SDC4: variants seen among roughly 807,000 people sequenced by gnomAD.
SDC4 encodes syndecan 4, also known as syndecan-4.
SDC4 carries 17 observed loss-of-function variants against 20.5 expected under a neutral mutation model. The observed-to-expected ratio is 0.83, with a 90% confidence interval of 0.57 to 1.25. The LOEUF (loss-of-function observed/expected upper bound fraction) is 1.25, where lower values mean the gene tolerates loss of function less well. Ranked by LOEUF, SDC4 falls within the 50% of genes most tolerant of loss-of-function variation. SDC4 has a pLI of 0.00. For missense variants in SDC4, 241 were observed against 252.3 expected (o/e 0.96, Z 0.30); for synonymous variants, 107 against 105.3 (o/e 1.02, Z -0.10).
intron 1 of SDC4, among the ~76,000 whole-genome samples, chr20:45,340,781 G>C (rs1176144374): frequency 6.6e-6 from 1 of 152,202 alleles, no homozygotes; most frequent in Non-Finnish European, 1.5e-5. Context: ...GGGGAGAGGG[G>C]ATGGTGAGTA....
At chr20:45,330,235 G>A (rs574850638) in intron 4 of SDC4, 131 bp downstream of exon 4, 4 of 795,880 alleles carry the variant, frequency 5.0e-6, no homozygotes, top group Admixed American at 4.0e-5. Flanking sequence ...ATGTTCTAGG[G>A]CAACCTGAAT....
In SDC4 at chr20:45,327,210, A is replaced by G. The variant is rs1987704481; in HGVS notation, c.*54T>C. 2.5e-6 allele frequency: 4 copies of G among 1,606,806 alleles called. No homozygotes were observed. The highest frequency in any genetic ancestry group is 3.4e-6 in the Non-Finnish European group (4 of 1,174,824). On this transcript the variant is annotated 3_prime_UTR_variant, in exon 5 of 5. Coordinates refer to ENST00000372733, the MANE Select transcript of SDC4 (RefSeq NM_002999.4). ...CCCTACCCTAATGTCCACCCTTCAA[A>G]ATCCCCTGGCTTCCCTCCCCGCTAA...
In SDC4 at chr20:45,347,695, C is replaced by T. The variant is rs1988053085; in HGVS notation, c.60+630G>A. ...CGAAAAGAGCAGAGTCCCCAACTTT[C>T]TAGAAACCCTAACGCAGTGTCCCCT... On this transcript the variant is annotated intron_variant, in intron 1 of 4. Transcript: ENST00000372733. Among the ~76,000 whole-genome samples the T allele has an allele frequency of 3.9e-5, 6 of 152,186 alleles. No individual in the cohort carries two copies. The South Asian group carries it at 1.2e-3, about 31-fold the overall frequency.
At chr20:45,336,423 A>G (rs991384059) in intron 1 of SDC4, among the ~76,000 whole-genome samples, 6 of 152,258 alleles carry the variant, frequency 3.9e-5, no homozygotes, top group Admixed American at 6.5e-5. Context: ...CAAAAAAAAT[A>G]AAAACAGTAA....
At chr20:45,330,289 T>C in intron 4 of SDC4, 77 bp downstream of exon 4, 1 of 1,347,728 alleles carries the variant, frequency 7.4e-7, no homozygotes, top group East Asian at 2.3e-5. Context: ...GCTGGAGGCA[T>C]CCCTGCCTGC....
intron 1 of SDC4, among the ~76,000 whole-genome samples, chr20:45,336,181 G>A (rs1436393722): frequency 1.3e-5 from 2 of 152,206 alleles, no homozygotes; most frequent in Admixed American, 1.3e-4. Flanking sequence ...GGGAGGCGGA[G>A]GCAGGCAGAT....
intron 2 of SDC4, 120 bp downstream of exon 2, chr20:45,335,662 G>A (rs1363754334): frequency 1.2e-5 from 12 of 1,012,118 alleles, no homozygotes; most frequent in Middle Eastern, 3.3e-4. Flanking sequence ...GAAGGAAGAA[G>A]GGCACTCTAG....
chr20:45,347,580 A>G (rs938252007), intron 1 of SDC4, among the ~76,000 whole-genome samples: 6 of 152,106 alleles, frequency 3.9e-5, no homozygotes, highest in Non-Finnish European at 7.4e-5. Context: ...CTTATCTGCA[A>G]TTGAGAAAAA....
rs1987756062 is a variant in SDC4, at chr20:45,330,300, A to T, written c.445+66T>A. On this transcript the variant is annotated intron_variant, in intron 4 of 4. Transcript: ENST00000372733. ...CATGGCTGGAGGCATCCCTGCCTGCAGGTGCTCTCCCCCGCTGAGCCCCAT... is the reference window on the plus strand; with the variant it reads ...CATGGCTGGAGGCATCCCTGCCTGCTGGTGCTCTCCCCCGCTGAGCCCCAT... The T allele has an allele frequency of 2.8e-6, 4 of 1,424,948 alleles. No individual in the cohort carries two copies. In the African/African-American group the frequency reaches 4.2e-5, roughly 15 times the overall value. The allele number at this position is 1,424,948 out of a possible 1,614,324, so 88.3% of individuals were successfully genotyped here.
chr20:45,326,412 T>TA lies in SDC4; in HGVS notation c.*851dup, dbSNP rs1434363647. The TA allele has an allele frequency of 1.7e-5, 2 of 118,916 alleles. No individual in the cohort carries two copies. The highest frequency in any genetic ancestry group is 3.6e-5 in the Non-Finnish European group (2 of 55,052). 7.4% of individuals were successfully genotyped at this position (118,916 alleles called of 1,614,324 possible). A position where few individuals can be genotyped will look rare whatever the true frequency, so the allele number is the denominator to read the frequency against. On this transcript the variant is annotated 3_prime_UTR_variant, in exon 5 of 5. Transcript: ENST00000372733. The stretch of plus-strand genomic sequence containing the variant: ...AAAAAAAAAAAAAAAAAAAAATTAA[T>TA]AAAAATCATCTCTCCGGCTCTTCTC...
At chr20:45,328,641 C>T (rs534636551) in intron 4 of SDC4, among the ~76,000 whole-genome samples, 1 of 152,264 alleles carries the variant, frequency 6.6e-6, no homozygotes, top group Non-Finnish European at 1.5e-5. Context: ...TTGCTAGGGG[C>T]AGGGATGCTT....
chr20:45,333,076 G>T lies in SDC4; in HGVS notation c.200-7C>A. Reference sequence around the variant, plus strand: ...ATGGAGTCTTCCAAGTCATCTGTAAGGTCAGAATAGCTGTGTGAGTGAGGT... The same window carrying T: ...ATGGAGTCTTCCAAGTCATCTGTAATGTCAGAATAGCTGTGTGAGTGAGGT... On this transcript the variant is annotated splice_polypyrimidine_tract_variant and splice_region_variant and intron_variant, in intron 2 of 4. Coordinates refer to ENST00000372733, the MANE Select transcript of SDC4 (RefSeq NM_002999.4). The T allele has an allele frequency of 1.9e-6, 3 of 1,614,090 alleles. No homozygotes were observed. Among genetic ancestry groups the T allele is most frequent in the Non-Finnish European group, 2.5e-6 (3 of 1,179,940 alleles).
intron 1 of SDC4, among the ~76,000 whole-genome samples, chr20:45,340,893 T>C: frequency 6.6e-6 from 1 of 152,184 alleles, no homozygotes; most frequent in East Asian, 1.9e-4. Flanking sequence ...ACCCACTTCT[T>C]AAGGGCCAGA....
In SDC4 at chr20:45,343,434, C is replaced by T. The variant is rs1987983723; in HGVS notation, c.60+4891G>A. Among the ~76,000 whole-genome samples, 3 of 152,164 alleles carry T rather than the reference C, an allele frequency of 2.0e-5. No homozygotes were observed. In the South Asian group the frequency reaches 6.2e-4, roughly 32 times the overall value. ...GGTGACCCCAGGTCCTGGACAGTGT[C>T]CAGAGTGGTCTGATACCCTTGGCAA... On this transcript the variant is annotated intron_variant, in intron 1 of 4. Transcript: ENST00000372733.
chr20:45,327,510 C>T, intron 4 of SDC4, 95 bp from the exon 5 acceptor site: 1 of 1,357,022 alleles, frequency 7.4e-7, no homozygotes, highest in East Asian at 2.5e-5. Context: ...TCTCTTACAA[C>T]CAGACATCCT....
Position 45,348,423 on chromosome 20 carries a change from G to A in SDC4, c.-39C>T. On this transcript the variant is annotated 5_prime_UTR_variant, in exon 1 of 5. Coordinates refer to ENST00000372733, the MANE Select transcript of SDC4 (RefSeq NM_002999.4). Reference sequence around the variant, plus strand: ...GGAGAAGGCGCGCAGGCTGCGGCGAGTGGCCCCGGGCGGGCGCGCCACCCA... The same window carrying A: ...GGAGAAGGCGCGCAGGCTGCGGCGAATGGCCCCGGGCGGGCGCGCCACCCA... The A allele has an allele frequency of 3.3e-6, 5 of 1,500,528 alleles. No homozygotes were observed. The highest frequency in any genetic ancestry group is 4.4e-6 in the Non-Finnish European group (5 of 1,127,152). The allele number at this position is 1,500,528 out of a possible 1,614,324, so 93.0% of individuals were successfully genotyped here.
At chr20:45,333,756 C>G (rs1987817319) in intron 2 of SDC4, among the ~76,000 whole-genome samples, 1 of 152,192 alleles carries the variant, frequency 6.6e-6, no homozygotes, top group African/African-American at 2.4e-5. Flanking sequence ...TCATTAACAT[C>G]TTTCCATTAC....
intron 1 of SDC4, 75 bp downstream of exon 1, chr20:45,348,250 A>T: frequency 3.3e-6 from 3 of 899,434 alleles, no homozygotes; most frequent in Non-Finnish European, 4.9e-6. Flanking sequence ...CCCCCATCCC[A>T]CGCTCCGACG....
chr20:45,329,911 A>C (rs1222082593), intron 4 of SDC4, among the ~76,000 whole-genome samples: 1 of 152,224 alleles, frequency 6.6e-6, no homozygotes, highest in Non-Finnish European at 1.5e-5. Context: ...TTTACAGATA[A>C]GGAAACTGAG....
Sources: allele counts gnomAD v4.1 joint callset (sites outside exome capture counted in the v4.1 genomes callset), GRCh38; gene constraint gnomAD v4.1.1; transcripts MANE v1.5; gene names NCBI Gene and HGNC (gene_info 2026-07-23, HGNC 2026-07-21).